Variants in C2 observed in about 807,000 individuals in gnomAD.
C2 encodes complement C2, also known as C3/C5 convertase.
Under a neutral mutation model 85.2 loss-of-function variants are expected in C2, and 64 were observed. The observed-to-expected ratio is 0.75, with a 90% CI of 0.61 to 0.92. The LOEUF is 0.92. C2 is among the 40% of genes least tolerant of loss of function. The probability of loss-of-function intolerance (pLI) is 0.00; values close to 1 mark genes in which losing one functional copy is unlikely to be tolerated. For synonymous variants in C2, 311 were observed against 370.8 expected (o/e 0.84, Z 1.85); for missense variants, 820 against 971.6 (o/e 0.84, Z 2.07).
chr6:31,912,797 A>G (rs1338372820), intron 1 of C2, among the ~76,000 whole-genome samples: 1 of 150,976 alleles, frequency 6.6e-6, no homozygotes, highest in African/African-American at 2.4e-5. Context: ...CTGAGATCAT[A>G]TCACTACACT....
rs901842140 is a variant in C2 at position 31,935,719 on chromosome 6, T to C, written c.850-204T>C. ...CCTGACCTCAGGTGATCCACCTGCC[T>C]AAAGTGTTGGGATTCAGGCATGAGC... is the stretch of plus-strand genomic sequence containing the variant. On this transcript the variant is annotated intron_variant, in intron 6 of 17. Coordinates refer to ENST00000299367, the MANE Select transcript of C2 (RefSeq NM_000063.6). This position sits in a 1 kb window ranked among gnomAD's most constrained non-coding sequence, Gnocchi z 4.3. Among the ~76,000 whole-genome samples, 2 of 152,098 alleles carry C rather than the reference T, an allele frequency of 1.3e-5. No homozygotes were observed. Among genetic ancestry groups the C allele is most frequent in the Non-Finnish European group, 2.9e-5 (2 of 68,004 alleles).
At chr6:31,942,679 G>T (rs542654) in intron 9 of C2, among the ~76,000 whole-genome samples, 7,661 of 152,190 alleles carry the variant, frequency 0.05, 259 homozygotes, top group African/African-American at 0.094. Context: ...GTGGAAGTCT[G>T]GGGGGGAGGA....
chr6:31,938,499 T>TA (rs41286346), intron 8 of C2, among the ~76,000 whole-genome samples: 1 of 148,080 alleles, frequency 6.8e-6, no homozygotes, highest in African/African-American at 2.5e-5. Context: ...TATATATATA[T>TA]TTATTTTTTT....
upstream of C2, among the ~76,000 whole-genome samples, chr6:31,915,355 C>T (rs935809614): frequency 5.9e-5 from 9 of 152,146 alleles, no homozygotes; most frequent in African/African-American, 1.4e-4. Flanking sequence ...TTTCATTGCT[C>T]ACCTGGATGC....
rs1329140867 is a variant in C2 at position 31,943,044 on chromosome 6, T to A, written c.1305T>A (p.His435Gln). ...GGTCCAAGAAGGATGGTGAGAGGCA[T>A]GCCTTCATTCTGCAGGACACAAAGG... ...ELGSKKDGER[H>Q]AFILQDTKAL... Residue 435 changes from histidine to glutamine, a missense_variant, in exon 10 of 18, where the codon CAT becomes CAA. Transcript: ENST00000299367. The surrounding 1 kb of genome is among the most constrained non-coding windows in gnomAD (Gnocchi z 6.4). 2 of 1,612,958 alleles carry A rather than the reference T, an allele frequency of 1.2e-6. No individual in the cohort carries two copies. The highest frequency in any genetic ancestry group is 2.2e-5 in the South Asian group (2 of 91,080).
At chr6:31,915,630 C>G (rs1323913211), upstream of C2, among the ~76,000 whole-genome samples, 1 of 152,204 alleles carries the variant, frequency 6.6e-6, no homozygotes, top group Admixed American at 6.6e-5. Context: ...GTGTTAGAGT[C>G]TCTGATCATC....
chr6:31,915,344 G>A (rs1250196254), upstream of C2, among the ~76,000 whole-genome samples: 1 of 152,140 alleles, frequency 6.6e-6, no homozygotes, highest in East Asian at 1.9e-4. Flanking sequence ...GCGCTCTGGG[G>A]TTTCATTGCT....
At chr6:31,927,387 G>T, upstream of C2, 1 of 664,940 alleles carries the variant, frequency 1.5e-6, no homozygotes, top group Non-Finnish European at 2.2e-6. The surrounding 1 kb of genome is among the most constrained non-coding windows in gnomAD (Gnocchi z 4.7). Context: ...AGAGCAAGGT[G>T]CATGTGTGCA....
At chr6:31,932,969 A>C (rs978737258) in intron 3 of C2, among the ~76,000 whole-genome samples, 1 of 152,240 alleles carries the variant, frequency 6.6e-6, no homozygotes, top group Non-Finnish European at 1.5e-5. Context: ...TACGAAAACC[A>C]GTCAGGCGTG....
At position 31,927,925 on chromosome 6, in the gene C2, A is replaced by G. The variant is rs1769386979; in HGVS notation, c.47-30A>G. On this transcript the variant is annotated intron_variant, in intron 1 of 17. Transcript: ENST00000299367. This position sits in a 1 kb window ranked among gnomAD's most constrained non-coding sequence, Gnocchi z 4.7. ...TCATCTGTGTCTTCCTTCTTTCTCC[A>G]TTGCTGTCTCCTTGTTCCCACGGCT... The G allele has an allele frequency of 6.2e-7, 1 of 1,601,934 alleles. No individual in the cohort carries two copies. Among genetic ancestry groups the G allele is most frequent in the East Asian group, 2.2e-5 (1 of 44,776 alleles).
intron 9 of C2, among the ~76,000 whole-genome samples, 187 bp downstream of exon 9, chr6:31,939,507 C>T (rs1379056797): frequency 6.7e-6 from 1 of 149,194 alleles, no homozygotes; most frequent in African/African-American, 2.5e-5. Context: ...TCAACCTTAC[C>T]TTCTTTTTTT....
Position 31,937,396 on chromosome 6 carries a change from C to T in C2, c.1066C>T (p.Leu356Phe), listed in dbSNP as rs886061293. The change falls in exon 8 of 18, where the codon CTC becomes TTC. Residue 356 changes from leucine (L) to phenylalanine (F), a missense_variant. By Grantham distance (22) the Leu-to-Phe change is conservative (BLOSUM62 0). Transcript: ENST00000299367. The part of the protein sequence containing the change: ...VYLMMNNQMR[L>F]LGMETMAWQE... Reference sequence around the variant, plus strand: ...TCTCATGATGAACAACCAAATGCGACTCCTCGGCATGGAAACGATGGCCTG... The same window carrying T: ...TCTCATGATGAACAACCAAATGCGATTCCTCGGCATGGAAACGATGGCCTG... 1 of 1,612,744 alleles carries T rather than the reference C, an allele frequency of 6.2e-7. No individual in the cohort carries two copies. Among genetic ancestry groups the T allele is most frequent in the African/African-American group, 1.3e-5 (1 of 74,964 alleles).
At chr6:31,899,162 G>GT (rs9281620), upstream of C2, among the ~76,000 whole-genome samples, 11,070 of 151,566 alleles carry the variant, frequency 0.073, 644 homozygotes, top group African/African-American at 0.14. Context: ...TAAAAAATAT[G>GT]TTTTTTCTTA....
At chr6:31,917,616 G>A (rs752691645), upstream of C2, among the ~76,000 whole-genome samples, 37 of 130,670 alleles carry the variant, frequency 2.8e-4, no homozygotes, top group African/African-American at 4.5e-4. Flanking sequence ...TTTAAAAAAA[G>A]AAAAAAAGGC....
upstream of C2, among the ~76,000 whole-genome samples, chr6:31,919,139 CTTTTCTTTTT>C (rs1346251744): frequency 1.4e-5 from 2 of 145,334 alleles, no homozygotes; most frequent in Non-Finnish European, 3.0e-5. Flanking sequence ...CTTTTCTTTT[CTTTTCTTTTT>C]TTTTTTTTTC....
At chr6:31,908,442 A>C (rs1767873403) in intron 1 of C2, among the ~76,000 whole-genome samples, 2 of 151,548 alleles carry the variant, frequency 1.3e-5, no homozygotes, top group Non-Finnish European at 2.9e-5. Flanking sequence ...ACCTGAGGTC[A>C]GGAGTTCGAG....
At chr6:31,906,762 T>A (rs553182204) in intron 1 of C2, among the ~76,000 whole-genome samples, 21 of 149,910 alleles carry the variant, frequency 1.4e-4, no homozygotes, top group Admixed American at 6.0e-4. Flanking sequence ...ATCCCAAGTT[T>A]AAAAAAAAAA....
intron 8 of C2, among the ~76,000 whole-genome samples, chr6:31,938,502 A>T (rs955149415): frequency 1.4e-5 from 2 of 147,194 alleles, no homozygotes; most frequent in Non-Finnish European, 3.0e-5. Flanking sequence ...ATATATATTT[A>T]TTTTTTTGAG....
chr6:31,925,514 A>T (rs1398149399), upstream of C2, among the ~76,000 whole-genome samples: 1 of 152,140 alleles, frequency 6.6e-6, no homozygotes, highest in African/African-American at 2.4e-5. Context: ...GCTGGTCTCT[A>T]ACTCCTGAAC....
Sources: gnomAD v4.1 joint callset for allele counts (sites outside exome capture counted in the v4.1 genomes callset) on GRCh38, gnomAD v4.1.1 for gene constraint, Gnocchi (gnomAD v3.1) non-coding constraint, MANE v1.5 for transcripts, NCBI Gene and HGNC (gene_info 2026-07-23, HGNC 2026-07-21) for gene names.